Variants in STYX observed in about 807,000 individuals in gnomAD.
The protein encoded by STYX is serine/threonine/tyrosine-interacting protein.
A neutral mutation model predicts 42.7 loss-of-function variants in STYX; 20 were observed. The observed-to-expected ratio is 0.47, with a 90% CI of 0.33 to 0.68. STYX has a LOEUF of 0.68. Among genes scored for constraint, STYX ranks in the 30% least tolerant of loss-of-function variants. The pLI is 0.02. For missense variants in STYX, 226 were observed against 268.5 expected, an observed-to-expected ratio of 0.84 and a Z score of 1.11; for synonymous variants, 78 against 81.9, an observed-to-expected ratio of 0.95 and a Z score of 0.26.
intron 9 of STYX, among the ~76,000 whole-genome samples, chr14:52,768,112 C>A (rs1178474393): frequency 6.6e-6 from 1 of 152,108 alleles, no homozygotes; most frequent in African/African-American, 2.4e-5. Context: ...CCTTTTTTAG[C>A]GAGCTATGAA....
chr14:52,744,737 C>G, intron 1 of STYX, 115 bp from the exon 2 acceptor site: 1 of 919,572 alleles, frequency 1.1e-6, no homozygotes, highest in East Asian at 2.8e-5. Context: ...ATAAAATGTT[C>G]TTAAAGTATA....
chr14:52,765,617 T>C (rs1228701749), intron 9 of STYX, among the ~76,000 whole-genome samples: 1 of 152,168 alleles, frequency 6.6e-6, no homozygotes, highest in African/African-American at 2.4e-5. Context: ...ATCAGCAGTC[T>C]CCAACCTTTT....
intron 3 of STYX, 116 bp downstream of exon 3, chr14:52,746,595 A>G: frequency 1.2e-6 from 1 of 822,018 alleles, no homozygotes; most frequent in Non-Finnish European, 1.9e-6. Flanking sequence ...CTGTCTGTTA[A>G]CAGTAATTGT....
chr14:52,774,965 C>T lies in STYX; in HGVS notation c.*3859C>T, dbSNP rs1566685271. 1 of 152,184 alleles carries T rather than the reference C, an allele frequency of 6.6e-6. No individual in the cohort carries two copies. The highest frequency in any genetic ancestry group is 1.5e-5 in the Non-Finnish European group (1 of 68,036). 9.4% of individuals were successfully genotyped at this position (152,184 alleles called of 1,614,324 possible). ...GTGAAGATTGGTGGTTGTATTAAAACTGCTGTGCCATTATACCTCCAAAAT... is the reference window on the plus strand; with the variant it reads ...GTGAAGATTGGTGGTTGTATTAAAATTGCTGTGCCATTATACCTCCAAAAT... On this transcript the variant is annotated 3_prime_UTR_variant, in exon 11 of 11. Transcript: ENST00000354586.
At chr14:52,741,533 A>G (rs2139888410) in intron 1 of STYX, among the ~76,000 whole-genome samples, 1 of 152,028 alleles carries the variant, frequency 6.6e-6, no homozygotes, top group East Asian at 1.9e-4. Context: ...CACCTCCCAG[A>G]TTCAAGCAAC....
At position 52,730,269 on chromosome 14, in the gene STYX, C is replaced by T; in HGVS notation, c.-206C>T. 3 of 588,800 alleles carry T rather than the reference C, an allele frequency of 5.1e-6. No individual in the cohort carries two copies. The highest frequency in any genetic ancestry group is 6.1e-6 in the Non-Finnish European group (2 of 330,042). The allele number at this position is 588,800 out of a possible 1,614,324, so 36.5% of individuals were successfully genotyped here. On this transcript the variant is annotated 5_prime_UTR_variant, in exon 1 of 11. Transcript: ENST00000354586. The stretch of plus-strand genomic sequence containing the variant: ...GCATGGCGGCCGGGTGTAAGACGCC[C>T]GACCCTCCTCTTCCCTGTCTTCGCC...
intron 1 of STYX, among the ~76,000 whole-genome samples, chr14:52,732,229 G>C (rs1880752665): frequency 6.7e-6 from 1 of 148,926 alleles, no homozygotes; most frequent in South Asian, 2.1e-4. Context: ...AGCCTCCTGA[G>C]TAGCTGGGGA....
chr14:52,733,541 T>G (rs779711591), intron 1 of STYX, among the ~76,000 whole-genome samples: 58 of 152,302 alleles, frequency 3.8e-4, no homozygotes, highest in Middle Eastern at 3.4e-3. Context: ...ACCTATACAC[T>G]CCTGACTGAC....
chr14:52,768,831 T>A lies in STYX; in HGVS notation c.505-9T>A. On this transcript the variant is annotated splice_polypyrimidine_tract_variant and intron_variant, in intron 9 of 10. Coordinates refer to ENST00000354586, the MANE Select transcript of STYX (RefSeq NM_145251.4). ...TATAATTAAGTTAATTAACTTATTT[T>A]TTTTTTAGGAATATGAAGCCATCTA... The A allele has an allele frequency of 1.3e-6, 2 of 1,554,314 alleles. No homozygotes were observed. The highest frequency in any genetic ancestry group is 2.5e-5 in the South Asian group (2 of 79,732).
At chr14:52,745,506 C>T (rs1881361509) in intron 2 of STYX, among the ~76,000 whole-genome samples, 1 of 152,140 alleles carries the variant, frequency 6.6e-6, no homozygotes, top group Admixed American at 6.6e-5. Flanking sequence ...AAGCAGTTTG[C>T]TTTCTCTGTT....
At chr14:52,761,423 G>C (rs1882090273) in intron 9 of STYX, among the ~76,000 whole-genome samples, 1 of 151,890 alleles carries the variant, frequency 6.6e-6, no homozygotes, top group African/African-American at 2.4e-5. Context: ...GTGGATTCCA[G>C]TGCCTTTGAA....
chr14:52,750,180 C>T (rs182338138), intron 3 of STYX, among the ~76,000 whole-genome samples: 1 of 152,206 alleles, frequency 6.6e-6, no homozygotes, highest in East Asian at 1.9e-4. Flanking sequence ...TAATTAGATT[C>T]TGTGAAGTAT....
intron 1 of STYX, among the ~76,000 whole-genome samples, chr14:52,734,212 T>C (rs1241823986): frequency 1.3e-5 from 2 of 152,202 alleles, no homozygotes; most frequent in Non-Finnish European, 2.9e-5. Context: ...CTCTGGTCCT[T>C]TTGTTACTTA....
intron 1 of STYX, among the ~76,000 whole-genome samples, chr14:52,731,949 CTTT>C (rs11354417): frequency 7.3e-5 from 10 of 136,286 alleles, no homozygotes; most frequent in Admixed American, 7.4e-5. Flanking sequence ...GCTAATTTTT[CTTT>C]TTTTTTTTTT....
chr14:52,764,796 G>A (rs183209080), intron 9 of STYX, among the ~76,000 whole-genome samples: 2 of 150,784 alleles, frequency 1.3e-5, no homozygotes, highest in East Asian at 3.9e-4. Flanking sequence ...AGCCTCCCGA[G>A]TAGCTGGGAT....
chr14:52,759,520 A>T (rs1458568547), intron 8 of STYX, among the ~76,000 whole-genome samples, 162 bp from the exon 9 acceptor site: 2 of 152,178 alleles, frequency 1.3e-5, no homozygotes, highest in Non-Finnish European at 2.9e-5. Context: ...AAGTTGAGCA[A>T]GCTGCCGTAA....
intron 1 of STYX, among the ~76,000 whole-genome samples, chr14:52,736,621 T>A (rs965939520): frequency 6.6e-6 from 1 of 152,192 alleles, no homozygotes; most frequent in African/African-American, 2.4e-5. Flanking sequence ...AGGAATTATT[T>A]AACATACATG....
intron 5 of STYX, among the ~76,000 whole-genome samples, chr14:52,757,021 C>G (rs1261608171): frequency 6.6e-6 from 1 of 152,088 alleles, no homozygotes; most frequent in Non-Finnish European, 1.5e-5. Context: ...GCTACTTTTA[C>G]TTTGCTATGA....
chr14:52,753,531 C>T (rs545710135), intron 4 of STYX, among the ~76,000 whole-genome samples: 11 of 152,166 alleles, frequency 7.2e-5, no homozygotes, highest in Middle Eastern at 3.4e-3. Context: ...TGGGGGATTG[C>T]CTCCAGGAAC....
Sources: gnomAD v4.1 joint callset for allele counts (sites outside exome capture counted in the v4.1 genomes callset) on GRCh38, gnomAD v4.1.1 for gene constraint, MANE v1.5 for transcripts, NCBI Gene and HGNC (gene_info 2026-07-23, HGNC 2026-07-21) for gene names.